The following LCN10 variants were observed in gnomAD, a reference collection of about 807,000 sequenced individuals.
LCN10 encodes the protein epididymal-specific lipocalin-10.
Under a neutral mutation model 25.1 loss-of-function variants are expected in LCN10, and 18 were observed. The ratio of observed to expected loss-of-function variants is 0.72; its 90% CI spans 0.50 to 1.06. LCN10 has a LOEUF of 1.06. LCN10 is among the 50% of genes least tolerant of loss of function. The probability of loss-of-function intolerance (pLI) is 0.00; values close to 1 mark genes in which losing one functional copy is unlikely to be tolerated. For missense variants in LCN10, 257 were observed against 258.9 expected, an observed-to-expected ratio of 0.99 and a Z score of 0.05; for synonymous variants, 130 against 116.7, an observed-to-expected ratio of 1.11 and a Z score of -0.73.
In LCN10 at chr9:136,740,138, C is replaced by T. The variant is rs1055751318; in HGVS notation, c.476-90G>A. 2.3e-6 allele frequency: 2 copies of T among 879,284 alleles called. No individual in the cohort carries two copies. The highest frequency in any genetic ancestry group is 2.2e-4 in the Middle Eastern group (1 of 4,592). 54.5% of individuals were successfully genotyped at this position (879,284 alleles called of 1,614,324 possible). ...ACCCCCATCCCTACCCCAGGAGCTG[C>T]TGAAATGTCCTCAGAGCTTAGGCGT... On this transcript the variant is annotated intron_variant, in intron 4 of 5. Coordinates refer to ENST00000497771, the MANE Select transcript of LCN10 (RefSeq NM_001001712.3). This position sits in a 1 kb window ranked among gnomAD's most constrained non-coding sequence, Gnocchi z 5.3.
intron 1 of LCN10, 73 bp downstream of exon 1, chr9:136,742,714 G>T: frequency 6.4e-7 from 1 of 1,552,110 alleles, no homozygotes; most frequent in Non-Finnish European, 8.7e-7. Flanking sequence ...GGCGGCTGCC[G>T]GGAGACTGTG....
intron 1 of LCN10, chr9:136,742,401 G>A: frequency 2.5e-6 from 1 of 402,394 alleles, no homozygotes; most frequent in African/African-American, 2.0e-5. Context: ...AGCGCCCTGG[G>A]CACCGCCGTG....
chr9:136,739,763 G>T lies in LCN10; in HGVS notation c.574+187C>A. ...CTGCTCCGGACGCCTCTCGCTGTCG[G>T]TGCCAGGCCTGCCAGGCCAAGCCCC... On this transcript the variant is annotated intron_variant, in intron 5 of 5. Transcript: ENST00000497771. The surrounding 1 kb of genome is among the most constrained non-coding windows in gnomAD (Gnocchi z 6.1). The T allele has an allele frequency of 5.4e-6, 4 of 745,566 alleles. No individual in the cohort carries two copies. The highest frequency in any genetic ancestry group is 9.2e-6 in the Non-Finnish European group (4 of 434,858). 46.2% of individuals were successfully genotyped at this position (745,566 alleles called of 1,614,324 possible).
chr9:136,741,515 T>C (rs1191748680), intron 2 of LCN10, 154 bp from the exon 3 acceptor site: 1 of 628,660 alleles, frequency 1.6e-6, no homozygotes, highest in Non-Finnish European at 2.8e-6. Flanking sequence ...TGCTTCACTA[T>C]CCAACTCGTG....
chr9:136,742,809 G>A lies in LCN10; in HGVS notation c.95C>T (p.Ser32Phe). 1 of 1,613,504 alleles carries A rather than the reference G, an allele frequency of 6.2e-7. No homozygotes were observed. The highest frequency in any genetic ancestry group is 8.5e-7 in the Non-Finnish European group (1 of 1,179,794). The change falls in exon 1 of 6, where the codon TCC (serine) becomes TTC (phenylalanine). Residue 32 changes from serine (S) to phenylalanine (F), a missense_variant. Coordinates refer to ENST00000497771, the MANE Select transcript of LCN10 (RefSeq NM_001001712.3). ...CACCTTGTTCCAGTTGAGGGCGTGG[G>A]ACTCCCTGGGGTACCACTCCTGCAC... ...SQVQEWYPRE[S>F]HALNWNKFSG... is the part of the protein sequence containing the mutation.
chr9:136,741,821 C>T lies in LCN10; in HGVS notation c.257+60G>A, dbSNP rs911674626. Reference sequence around the variant, plus strand: ...CTCCTCCCAGACTCCTTTCCAGCCCCGAGGCAGCTCCCTCCTCCTGGAAGG... The same window carrying T: ...CTCCTCCCAGACTCCTTTCCAGCCCTGAGGCAGCTCCCTCCTCCTGGAAGG... On this transcript the variant is annotated intron_variant, in intron 2 of 5. Transcript: ENST00000497771. 8 of 1,534,688 alleles carry T rather than the reference C, an allele frequency of 5.2e-6. No individual in the cohort carries two copies. In the African/African-American group the frequency reaches 5.5e-5, roughly 11 times the overall value.
chr9:136,742,639 G>A, intron 1 of LCN10, 148 bp downstream of exon 1: 1 of 998,586 alleles, frequency 1.0e-6, no homozygotes, highest in African/African-American at 1.6e-5. Flanking sequence ...CTGTGCTGGA[G>A]GCTGCAGTGG....
chr9:136,741,218 C>T (rs773736923), intron 3 of LCN10, 34 bp downstream of exon 3: 34 of 1,580,936 alleles, frequency 2.2e-5, no homozygotes, highest in Non-Finnish European at 2.5e-5. Context: ...AGGCATATCA[C>T]GCAGCTCCTC....
rs375095483 is a variant in LCN10, at chr9:136,739,517, G to A, written c.*8C>T. 52 of 1,598,946 alleles carry A rather than the reference G, an allele frequency of 3.3e-5. No homozygotes were observed. Among genetic ancestry groups the A allele is most frequent in the Admixed American group, 1.4e-4 (8 of 57,790 alleles). On this transcript the variant is annotated 3_prime_UTR_variant, in exon 6 of 6. Transcript: ENST00000497771. This position sits in a 1 kb window ranked among gnomAD's most constrained non-coding sequence, Gnocchi z 6.1. ...GCGTCGAAAGGGAAGAGCAGAGGACGCTGGCTCTCATGGCAGGATGGTGTG... is the reference window on the plus strand; with the variant it reads ...GCGTCGAAAGGGAAGAGCAGAGGACACTGGCTCTCATGGCAGGATGGTGTG...
rs1455457433 is a variant in LCN10, at chr9:136,740,177, G to C, written c.476-129C>G. 1 of 727,656 alleles carries C rather than the reference G, an allele frequency of 1.4e-6. No individual in the cohort carries two copies. Among genetic ancestry groups the C allele is most frequent in the African/African-American group, 1.7e-5 (1 of 57,404 alleles). 45.1% of individuals were successfully genotyped at this position (727,656 alleles called of 1,614,324 possible). ...GAGCTTAGGCGTGAAGCAGGGGTTG[G>C]CCAGGGGAGGACAGCGGCCGCTGGG... On this transcript the variant is annotated intron_variant, in intron 4 of 5. Coordinates refer to ENST00000497771, the MANE Select transcript of LCN10 (RefSeq NM_001001712.3). The surrounding 1 kb of genome is among the most constrained non-coding windows in gnomAD (Gnocchi z 5.3).
rs375095483 is a variant in LCN10, at chr9:136,739,517, G to T, written c.*8C>A. ...GCGTCGAAAGGGAAGAGCAGAGGACGCTGGCTCTCATGGCAGGATGGTGTG... is the reference window on the plus strand; with the variant it reads ...GCGTCGAAAGGGAAGAGCAGAGGACTCTGGCTCTCATGGCAGGATGGTGTG... On this transcript the variant is annotated 3_prime_UTR_variant, in exon 6 of 6. Coordinates refer to ENST00000497771, the MANE Select transcript of LCN10 (RefSeq NM_001001712.3). The surrounding 1 kb of genome is among the most constrained non-coding windows in gnomAD (Gnocchi z 6.1). 6 of 1,599,066 alleles carry T rather than the reference G, an allele frequency of 3.8e-6. No homozygotes were observed. Among genetic ancestry groups the T allele is most frequent in the African/African-American group, 2.7e-5 (2 of 74,798 alleles).
chr9:136,740,515 CT>C lies in LCN10; in HGVS notation c.475+320del. ...CCGGGCAGACCCTTACCTGGGACCCCTCCCACGCCTCCTCATCCCCACTGTG... is the reference window on the plus strand; with the variant it reads ...CCGGGCAGACCCTTACCTGGGACCCCCCCACGCCTCCTCATCCCCACTGTG... On this transcript the variant is annotated intron_variant, in intron 4 of 5. Coordinates refer to ENST00000497771, the MANE Select transcript of LCN10 (RefSeq NM_001001712.3). The surrounding 1 kb of genome is among the most constrained non-coding windows in gnomAD (Gnocchi z 5.3). 1 of 469,478 alleles carries C rather than the reference CT, an allele frequency of 2.1e-6. No homozygotes were observed. The allele number at this position is 469,478 out of a possible 1,614,324, so 29.1% of individuals were successfully genotyped here.
Position 136,739,452 on chromosome 9 carries a change from T to G in LCN10, c.*73A>C. The G allele has an allele frequency of 2.0e-6, 3 of 1,510,162 alleles. No homozygotes were observed. The South Asian group carries it at 3.6e-5, about 18-fold the overall frequency. 93.5% of individuals were successfully genotyped at this position (1,510,162 alleles called of 1,614,324 possible). ...CTCTCAACAAGCCGTGGTCTCCACT[T>G]GACATCTGGAACAACGCTCCTCGGG... On this transcript the variant is annotated 3_prime_UTR_variant, in exon 6 of 6. Coordinates refer to ENST00000497771, the MANE Select transcript of LCN10 (RefSeq NM_001001712.3). This position sits in a 1 kb window ranked among gnomAD's most constrained non-coding sequence, Gnocchi z 6.1.
chr9:136,741,401 C>A (rs1019842612), intron 2 of LCN10, 40 bp from the exon 3 acceptor site: 13 of 1,460,432 alleles, frequency 8.9e-6, no homozygotes, highest in Middle Eastern at 3.4e-4. Context: ...GACCAGGGAA[C>A]CCCTCCTCCC....
At chr9:136,741,128 C>G in intron 3 of LCN10, 124 bp downstream of exon 3, 1 of 1,047,166 alleles carries the variant, frequency 9.5e-7, no homozygotes, top group Admixed American at 2.1e-5. Flanking sequence ...CGTGTGGGCT[C>G]TGGGAACACA....
chr9:136,742,573 T>A (rs1846962248), intron 1 of LCN10: 14 of 548,878 alleles, frequency 2.6e-5, no homozygotes, highest in East Asian at 6.5e-5. Flanking sequence ...CTGACCCCCC[T>A]GGGCCCCCGA....
Position 136,740,772 on chromosome 9 carries a change from C to G in LCN10, c.475+64G>C, listed in dbSNP as rs903043638. 1.5e-6 allele frequency: 2 copies of G among 1,324,812 alleles called. No homozygotes were observed. The highest frequency in any genetic ancestry group is 4.8e-5 in the East Asian group (2 of 41,930). 82.1% of individuals were successfully genotyped at this position (1,324,812 alleles called of 1,614,324 possible). ...CTCCTGCCCGGCCCCCTGTGCCCAG[C>G]GCCCCTCTATGCCTCCCTCTGCACC... On this transcript the variant is annotated intron_variant, in intron 4 of 5. Coordinates refer to ENST00000497771, the MANE Select transcript of LCN10 (RefSeq NM_001001712.3). The surrounding 1 kb of genome is among the most constrained non-coding windows in gnomAD (Gnocchi z 5.3).
intron 1 of LCN10, 22 bp from the exon 2 acceptor site, chr9:136,742,042 G>A (rs775160469): frequency 1.1e-5 from 17 of 1,611,556 alleles, no homozygotes; most frequent in Non-Finnish European, 1.4e-5. Context: ...ATGTGTGGGC[G>A]GGGACAGGAG....
chr9:136,740,498 A>C lies in LCN10; in HGVS notation c.475+338T>G. On this transcript the variant is annotated intron_variant, in intron 4 of 5. Transcript: ENST00000497771. This position sits in a 1 kb window ranked among gnomAD's most constrained non-coding sequence, Gnocchi z 5.3. ...TTCCACACCCCTCCATCCCGGGCAG[A>C]CCCTTACCTGGGACCCCTCCCACGC... 2.2e-6 allele frequency: 1 copy of C among 444,916 alleles called. No homozygotes were observed. 27.6% of individuals were successfully genotyped at this position (444,916 alleles called of 1,614,324 possible).
Sources: gnomAD v4.1 joint callset for allele counts on GRCh38, gnomAD v4.1.1 for gene constraint, Gnocchi (gnomAD v3.1) non-coding constraint, MANE v1.5 for transcripts, NCBI Gene and HGNC (gene_info 2026-07-23, HGNC 2026-07-21) for gene names.